Variants in TAF13 observed in about 807,000 individuals in gnomAD.
TAF13 encodes the protein TATA-box binding protein associated factor 13, also known as transcription initiation factor TFIID subunit 13.
In TAF13, 9 loss-of-function variants were observed where a neutral mutation model predicts 18.7. That is an observed-to-expected ratio of 0.48 (90% CI 0.29 to 0.84). The LOEUF (loss-of-function observed/expected upper bound fraction) is 0.84, where lower values mean the gene tolerates loss of function less well. TAF13 is among the 40% of genes least tolerant of loss of function. TAF13 has a pLI of 0.08. For synonymous variants in TAF13, 49 were observed against 44.1 expected, an observed-to-expected ratio of 1.11 and a Z score of -0.44; for missense variants, 105 against 146.5, an observed-to-expected ratio of 0.72 and a Z score of 1.46.
Position 109,072,226 on chromosome 1 carries a change from C to T in TAF13, c.106+2761G>A, listed in dbSNP as rs1664090767. On this transcript the variant is annotated intron_variant, in intron 2 of 3. Coordinates refer to ENST00000338366, the MANE Select transcript of TAF13 (RefSeq NM_005645.4). ...AATAAATCATATTCATAAATCTGTG[C>T]GGCCTCATCTCTCAATACTTAGACA... 2.0e-5 allele frequency among the ~76,000 whole-genome samples: 3 copies of T among 149,860 alleles called. No individual in the cohort carries two copies. In the South Asian group the frequency reaches 6.4e-4, roughly 32 times the overall value.
At position 109,064,666 on chromosome 1, in the gene TAF13, G is replaced by A. The variant is rs747906217; in HGVS notation, c.232C>T (p.Gln78Ter). The stretch of plus-strand genomic sequence containing the variant: ...ATATCTTCAACTTGTACTCGACCTT[G>A]TCTTCCAATTGACATTGCCTTGTGA... Reference protein sequence around the residue: ...MTHKAMSIGRQGRVQVEDIVF... With the variant: ...MTHKAMSIGR Residue 78 changes from glutamine (Q) to a stop codon, truncating the protein, a stop_gained, in exon 4 of 4, where the codon CAA becomes TAA. Transcript: ENST00000338366. LOFTEE classifies it high-confidence loss of function. The A allele has an allele frequency of 6.5e-7, 1 of 1,533,182 alleles. No homozygotes were observed. Among genetic ancestry groups the A allele is most frequent in the East Asian group, 2.4e-5 (1 of 40,926 alleles). 95.0% of individuals were successfully genotyped at this position (1,533,182 alleles called of 1,614,324 possible). A position where few individuals can be genotyped will look rare whatever the true frequency, so the allele number is the denominator to read the frequency against.
chr1:109,070,620 C>T (rs1368217399), intron 2 of TAF13, among the ~76,000 whole-genome samples: 1 of 151,938 alleles, frequency 6.6e-6, no homozygotes, highest in Non-Finnish European at 1.5e-5. Context: ...TCTTGAACTC[C>T]TGACCTCAAG....
intron 2 of TAF13, among the ~76,000 whole-genome samples, chr1:109,069,907 T>C (rs150015139): frequency 9.2e-4 from 140 of 152,262 alleles, no homozygotes; most frequent in African/African-American, 3.1e-3. Flanking sequence ...TTGGATTCTG[T>C]ACTTTTTTTT....
At chr1:109,067,715 C>T (rs1288068481) in intron 2 of TAF13, among the ~76,000 whole-genome samples, 2 of 152,114 alleles carry the variant, frequency 1.3e-5, no homozygotes, top group Non-Finnish European at 2.9e-5. Context: ...ATATATAGCC[C>T]TTATTATATG....
At chr1:109,069,518 T>A (rs1471649366) in intron 2 of TAF13, among the ~76,000 whole-genome samples, 1 of 152,134 alleles carries the variant, frequency 6.6e-6, no homozygotes, top group Admixed American at 6.6e-5. Context: ...ATTTTCCATC[T>A]GAGGTTGGTT....
At chr1:109,072,007 TATATATA>T (rs1664072603) in intron 2 of TAF13, among the ~76,000 whole-genome samples, 1 of 2,168 alleles carries the variant, frequency 4.6e-4, no homozygotes, top group African/African-American at 1.1e-3. Flanking sequence ...TATATATATA[TATATATA>T]CACACACATA....
At position 109,073,946 on chromosome 1, in the gene TAF13, C is replaced by T. The variant is rs190577545; in HGVS notation, c.106+1041G>A. On this transcript the variant is annotated intron_variant, in intron 2 of 3. Coordinates refer to ENST00000338366, the MANE Select transcript of TAF13 (RefSeq NM_005645.4). The stretch of plus-strand genomic sequence containing the variant: ...GAGCACCGCTGCCCGGCCGCCACCC[C>T]GTCTGGGAGGTGAGGAGCGCCTCTG... Among the ~76,000 whole-genome samples the T allele has an allele frequency of 4.0e-5, 6 of 151,806 alleles. No homozygotes were observed. The East Asian group carries it at 1.2e-3, about 30-fold the overall frequency.
At chr1:109,072,077 C>T (rs185463405) in intron 2 of TAF13, among the ~76,000 whole-genome samples, 7 of 4,572 alleles carry the variant, frequency 1.5e-3, no homozygotes, top group African/African-American at 4.8e-3. Flanking sequence ...TATATATATA[C>T]ACACACATAT....
At chr1:109,068,157 C>T (rs2102107026) in intron 2 of TAF13, among the ~76,000 whole-genome samples, 1 of 152,176 alleles carries the variant, frequency 6.6e-6, no homozygotes, top group Admixed American at 6.5e-5. Flanking sequence ...TTTTTTGAAA[C>T]AGAAGTGTCA....
At chr1:109,071,960 ATATATATATATATATAC>A (rs1557985858) in intron 2 of TAF13, among the ~76,000 whole-genome samples, 888 of 4,746 alleles carry the variant, frequency 0.19, 81 homozygotes, top group Middle Eastern at 0.31. Context: ...AAAAGAAAAT[ATATATATATATATATAC>A]ACACATATAT....
At chr1:109,068,980 C>T (rs1571297149) in intron 2 of TAF13, among the ~76,000 whole-genome samples, 2 of 152,160 alleles carry the variant, frequency 1.3e-5, no homozygotes, top group Non-Finnish European at 2.9e-5. Flanking sequence ...CCAACCTGGG[C>T]GAAAGAGGGA....
chr1:109,075,051 A>G lies in TAF13; in HGVS notation c.42T>C (p.Asn14=), dbSNP rs1175768656. 1 of 1,606,998 alleles carries G rather than the reference A, an allele frequency of 6.2e-7. No individual in the cohort carries two copies. The highest frequency in any genetic ancestry group is 1.3e-5 in the African/African-American group (1 of 74,668). ...EEEDPTFEEE[N]EEIGGGAEGG... ...CTTCTGCACCTCCTCCAATTTCTTC[A>G]TTTTCTTCCTCAAACTAGAAGTTAA... is the stretch of plus-strand genomic sequence containing the variant. Residue 14 remains asparagine (N), a synonymous_variant, in exon 2 of 4, where the codon AAT becomes AAC. Coordinates refer to ENST00000338366, the MANE Select transcript of TAF13 (RefSeq NM_005645.4).
intron 2 of TAF13, among the ~76,000 whole-genome samples, chr1:109,072,021 C>CAT (rs1169146864): frequency 2.1e-4 from 1 of 4,680 alleles, no homozygotes; most frequent in African/African-American, 7.5e-4. Flanking sequence ...TATACACACA[C>CAT]ATATATATAT....
intron 2 of TAF13, among the ~76,000 whole-genome samples, chr1:109,073,806 G>C (rs1239703169): frequency 6.6e-6 from 1 of 152,208 alleles, no homozygotes; most frequent in Non-Finnish European, 1.5e-5. Context: ...GAATTGAGGA[G>C]CGTCTCTGCC....
chr1:109,074,355 G>C (rs1030639952), intron 2 of TAF13, among the ~76,000 whole-genome samples: 1 of 152,100 alleles, frequency 6.6e-6, no homozygotes, highest in African/African-American at 2.4e-5. Context: ...GATGTGCTTT[G>C]TTAAACAGAT....
At chr1:109,074,127 G>T (rs907351351) in intron 2 of TAF13, among the ~76,000 whole-genome samples, 1 of 152,224 alleles carries the variant, frequency 6.6e-6, no homozygotes, top group Admixed American at 6.5e-5. Flanking sequence ...CGGTTTTGTC[G>T]AATAGAAAAC....
intron 2 of TAF13, among the ~76,000 whole-genome samples, chr1:109,069,202 A>AGAGT (rs1263560328): frequency 2.0e-5 from 3 of 150,214 alleles, no homozygotes; most frequent in African/African-American, 7.4e-5. Flanking sequence ...CAAGTGTGTG[A>AGAGT]GTGTGTGTGT....
Position 109,068,943 on chromosome 1 carries a change from G to T in TAF13, c.107-2711C>A, listed in dbSNP as rs965748192. Among the ~76,000 whole-genome samples, 3 of 152,154 alleles carry T rather than the reference G, an allele frequency of 2.0e-5. No homozygotes were observed. In the South Asian group the frequency reaches 6.2e-4, roughly 32 times the overall value. On this transcript the variant is annotated intron_variant, in intron 2 of 3. Coordinates refer to ENST00000338366, the MANE Select transcript of TAF13 (RefSeq NM_005645.4). ...CTTGAACCCAGGAGGCAGAGGTTGC[G>T]GAGAGCTGAGATCATGCCAATGCAT...
chr1:109,072,979 C>G (rs1244326488), intron 2 of TAF13, among the ~76,000 whole-genome samples: 1 of 150,244 alleles, frequency 6.7e-6, no homozygotes, highest in African/African-American at 2.4e-5. Context: ...GTGATCCACC[C>G]GCCTCAGTCT....
Sources: gnomAD v4.1 joint callset for allele counts (sites outside exome capture counted in the v4.1 genomes callset) on GRCh38, gnomAD v4.1.1 for gene constraint, MANE v1.5 for transcripts, NCBI Gene and HGNC (gene_info 2026-07-23, HGNC 2026-07-21) for gene names.